DLGAP1: variants seen among roughly 807,000 people sequenced by gnomAD.
DLGAP1 encodes the protein disks large-associated protein 1.
A neutral mutation model predicts 90.8 loss-of-function variants in DLGAP1; 11 were observed. That is an observed-to-expected ratio of 0.12 (90% CI 0.08 to 0.20). The LOEUF (loss-of-function observed/expected upper bound fraction) is 0.20, where lower values mean the gene tolerates loss of function less well. Among genes scored for constraint, DLGAP1 ranks in the 10% least tolerant of loss-of-function variants. The pLI, the probability that DLGAP1 is intolerant of heterozygous loss-of-function variation, is 1.00. For missense variants in DLGAP1, 1,050 were observed against 1,333.8 expected, an observed-to-expected ratio of 0.79 and a Z score of 3.31; for synonymous variants, 558 against 540.7, an observed-to-expected ratio of 1.03 and a Z score of -0.44.
intron 2 of DLGAP1, among the ~76,000 whole-genome samples, chr18:4,006,839 G>A (rs2074312278): frequency 6.6e-6 from 1 of 152,012 alleles, no homozygotes; most frequent in Non-Finnish European, 1.5e-5. Flanking sequence ...GTAGATACAA[G>A]TTCTCACTCT....
intron 2 of DLGAP1, among the ~76,000 whole-genome samples, chr18:4,055,278 A>G (rs952826046): frequency 1.3e-5 from 2 of 152,036 alleles, no homozygotes; most frequent in East Asian, 3.9e-4. Context: ...TATCTTTTTC[A>G]TTTGTTTAAC....
At chr18:4,111,662 C>T (rs2075974952) in intron 2 of DLGAP1, among the ~76,000 whole-genome samples, 1 of 151,980 alleles carries the variant, frequency 6.6e-6, no homozygotes, top group South Asian at 2.1e-4. Context: ...TTCTCTTTGT[C>T]TGATAATTCG....
intron 1 of DLGAP1, among the ~76,000 whole-genome samples, chr18:4,227,365 TA>T (rs1390507675): frequency 6.6e-6 from 1 of 152,018 alleles, no homozygotes; most frequent in African/African-American, 2.4e-5. Context: ...AATAGATATT[TA>T]CAGAACATTT....
intron 2 of DLGAP1, among the ~76,000 whole-genome samples, chr18:4,043,417 T>C (rs148493104): frequency 3.3e-5 from 5 of 152,334 alleles, no homozygotes; most frequent in South Asian, 2.1e-4. Context: ...TGATGAAAAC[T>C]AGCATTTATT....
intron 3 of DLGAP1, among the ~76,000 whole-genome samples, chr18:3,905,280 T>C (rs1395932324): frequency 2.2e-5 from 3 of 136,294 alleles, no homozygotes; most frequent in Non-Finnish European, 4.5e-5. Flanking sequence ...GGCAGGAGAA[T>C]GGCGTGAACC....
intron 2 of DLGAP1, among the ~76,000 whole-genome samples, chr18:4,099,337 ATCTATCTATCTGTCTGTCTG>A (rs1381179996): frequency 6.5e-5 from 8 of 123,936 alleles, no homozygotes; most frequent in South Asian, 2.6e-4. Flanking sequence ...CTATCTATCT[ATCTATCTATCTGTCTGTCTG>A]TCTATCTTTT....
chr18:3,967,002 A>T (rs1178556979), intron 3 of DLGAP1, among the ~76,000 whole-genome samples: 1 of 152,170 alleles, frequency 6.6e-6, no homozygotes, highest in Non-Finnish European at 1.5e-5. Context: ...TTCTAAGAGA[A>T]GTGGCCAGTG....
intron 1 of DLGAP1, among the ~76,000 whole-genome samples, chr18:4,180,193 C>A (rs1414934709): frequency 6.6e-6 from 1 of 152,112 alleles, no homozygotes; most frequent in African/African-American, 2.4e-5. Flanking sequence ...TATCAGGTTT[C>A]CTACTTCACA....
At chr18:3,954,111 T>C (rs1447202673) in intron 3 of DLGAP1, among the ~76,000 whole-genome samples, 10 of 152,314 alleles carry the variant, frequency 6.6e-5, no homozygotes, top group Middle Eastern at 3.4e-3. Flanking sequence ...TTATAGACAA[T>C]TGTTTATCAT....
chr18:4,272,589 C>T (rs529359916), intron 1 of DLGAP1, among the ~76,000 whole-genome samples: 1 of 152,290 alleles, frequency 6.6e-6, no homozygotes, highest in African/African-American at 2.4e-5. Flanking sequence ...ATTTTCTCTG[C>T]CATCAGCAGG....
intron 7 of DLGAP1, among the ~76,000 whole-genome samples, chr18:3,642,112 A>C (rs2058964762): frequency 6.6e-6 from 1 of 152,098 alleles, no homozygotes. Flanking sequence ...GTCATTATCC[A>C]CAAACACTCC....
rs533031162 is a variant in DLGAP1, at chr18:3,920,750, C to A, written c.-72-40610G>T. Among the ~76,000 whole-genome samples, 7 of 124,062 alleles carry A rather than the reference C, an allele frequency of 5.6e-5. No individual in the cohort carries two copies. The East Asian group carries it at 1.7e-3, about 30-fold the overall frequency. The allele number at this position is 124,062 out of a possible 152,430, so 81.4% of individuals were successfully genotyped here. ...GTAAAAGGTCTTGTTGACCTGACAG[C>A]GATCAATACGCACATCTTATTTCCA... On this transcript the variant is annotated intron_variant, in intron 3 of 12. Coordinates refer to ENST00000315677, the MANE Select transcript of DLGAP1 (RefSeq NM_004746.4).
chr18:4,380,677 G>A (rs2082096343), intron 1 of DLGAP1, among the ~76,000 whole-genome samples: 1 of 152,102 alleles, frequency 6.6e-6, no homozygotes, highest in African/African-American at 2.4e-5. Context: ...TCCTATCTGT[G>A]CACCCCGTTC....
At chr18:4,355,614 ATTGGTGAAATTGTAGTGAC>A (rs2081493634) in intron 1 of DLGAP1, among the ~76,000 whole-genome samples, 1 of 152,070 alleles carries the variant, frequency 6.6e-6, no homozygotes. Flanking sequence ...TGCATATGTA[ATTGGTGAAATTGTAGTGAC>A]TTCTGTAGAT....
intron 1 of DLGAP1, among the ~76,000 whole-genome samples, chr18:4,170,004 G>A (rs141415582): frequency 6.6e-6 from 1 of 152,248 alleles, no homozygotes; most frequent in Non-Finnish European, 1.5e-5. Flanking sequence ...ATGAGGCAAT[G>A]CAGTGAGGGA....
intron 10 of DLGAP1, among the ~76,000 whole-genome samples, chr18:3,513,253 T>C (rs1368393079): frequency 1.3e-5 from 2 of 152,266 alleles, no homozygotes; most frequent in African/African-American, 4.8e-5. Flanking sequence ...TTATACCACA[T>C]TCCATTTATC....
At chr18:4,148,690 A>G (rs1273324712) in intron 2 of DLGAP1, among the ~76,000 whole-genome samples, 1 of 152,136 alleles carries the variant, frequency 6.6e-6, no homozygotes, top group East Asian at 1.9e-4. Flanking sequence ...CTGCACTACC[A>G]TTCTCTGCTG....
At chr18:3,548,896 G>A (rs918239381) in intron 9 of DLGAP1, among the ~76,000 whole-genome samples, 1 of 152,102 alleles carries the variant, frequency 6.6e-6, no homozygotes, top group Admixed American at 6.6e-5. Flanking sequence ...AATTAGCTGG[G>A]TGTGCTGGCA....
chr18:4,089,842 G>A (rs1033401179), intron 2 of DLGAP1, among the ~76,000 whole-genome samples: 14 of 152,104 alleles, frequency 9.2e-5, no homozygotes, highest in East Asian at 1.9e-4. Flanking sequence ...TCAGGAGATC[G>A]AGACCATCCT....
Sources: allele counts gnomAD v4.1 joint callset (sites outside exome capture counted in the v4.1 genomes callset), GRCh38; gene constraint gnomAD v4.1.1; transcripts MANE v1.5; gene names NCBI Gene and HGNC (gene_info 2026-07-23, HGNC 2026-07-21).